Variants in GABRG1 observed in about 807,000 individuals in gnomAD.
GABRG1 encodes gamma-aminobutyric acid type A receptor subunit gamma1.
In GABRG1, 49 loss-of-function variants were observed where a neutral mutation model predicts 49.8. The ratio of observed to expected loss-of-function variants is 0.98; its 90% confidence interval spans 0.78 to 1.25. The LOEUF is 1.25. Ranked by LOEUF, GABRG1 falls within the 50% of genes most tolerant of loss-of-function variation. The pLI, the probability that GABRG1 is intolerant of heterozygous loss-of-function variation, is 0.00. For synonymous variants in GABRG1, 232 were observed against 185.1 expected (o/e 1.25, Z -2.06); for missense variants, 552 against 552.3 (o/e 1.00, Z 0.01).
intron 1 of GABRG1, among the ~76,000 whole-genome samples, chr4:46,116,608 A>T (rs16859095): frequency 0.094 from 14,183 of 150,764 alleles, 1,663 homozygotes; most frequent in African/African-American, 0.28. Context: ...AAGCCTTGGG[A>T]TCTGAAATGA....
At chr4:46,045,211 G>A (rs1353672240) in intron 8 of GABRG1, among the ~76,000 whole-genome samples, 3 of 152,122 alleles carry the variant, frequency 2.0e-5, no homozygotes, top group Admixed American at 1.3e-4. Context: ...ACTTGAGGAA[G>A]TAATACATCC....
chr4:46,100,751 C>A (rs1224967377), intron 1 of GABRG1, among the ~76,000 whole-genome samples: 10 of 141,106 alleles, frequency 7.1e-5, no homozygotes, highest in African/African-American at 1.3e-4. Context: ...TTTATGGTGG[C>A]AATATTTTGA....
chr4:46,042,371 A>C (rs1717819430), intron 8 of GABRG1, among the ~76,000 whole-genome samples: 1 of 152,004 alleles, frequency 6.6e-6, no homozygotes, highest in Admixed American at 6.6e-5. Flanking sequence ...GGCAAGTAAA[A>C]GATGAGTATT....
chr4:46,050,701 T>C (rs771023124), intron 8 of GABRG1, among the ~76,000 whole-genome samples: 1 of 151,826 alleles, frequency 6.6e-6, no homozygotes, highest in Non-Finnish European at 1.5e-5. Flanking sequence ...GGTCTGAGTC[T>C]TGGATCTTTC....
At chr4:46,122,829 A>T (rs578235330) in intron 1 of GABRG1, among the ~76,000 whole-genome samples, 1 of 152,086 alleles carries the variant, frequency 6.6e-6, no homozygotes, top group South Asian at 2.1e-4. Flanking sequence ...ATGTAATGAT[A>T]AAAGTACATT....
At chr4:46,077,295 TATA>T (rs1398300652) in intron 3 of GABRG1, among the ~76,000 whole-genome samples, 1 of 151,794 alleles carries the variant, frequency 6.6e-6, no homozygotes, top group African/African-American at 2.4e-5. Flanking sequence ...AAACTTAAAG[TATA>T]ATAATAGCAA....
chr4:46,118,089 T>C (rs528254272), intron 1 of GABRG1, among the ~76,000 whole-genome samples: 1 of 142,616 alleles, frequency 7.0e-6, no homozygotes, highest in African/African-American at 2.7e-5. Context: ...TATATACATA[T>C]GTATACATAT....
rs192507490 is a variant in GABRG1, at chr4:46,061,648, A to C, written c.625+2793T>G. Among the ~76,000 whole-genome samples the C allele has an allele frequency of 5.3e-3, 808 of 152,030 alleles. 10 individuals are homozygous for C. Among genetic ancestry groups the C allele is most frequent in the Middle Eastern group, 0.048 (14 of 294 alleles). On this transcript the variant is annotated intron_variant, in intron 5 of 8. Transcript: ENST00000295452. ...ATATAGCTCTGGAAAGGTTATAATT[A>C]TTTCCTATAAAGAATATACCAGGTT...
rs116157312 is a variant in GABRG1 at position 46,057,087 on chromosome 4, G to A, written c.916+1130C>T. ...TGGAAATAGAAACAAAAATACTATGGTTAAGTTATAGTAGCATACAAAGAA... is the reference window on the plus strand; with the variant it reads ...TGGAAATAGAAACAAAAATACTATGATTAAGTTATAGTAGCATACAAAGAA... On this transcript the variant is annotated intron_variant, in intron 7 of 8. Coordinates refer to ENST00000295452, the MANE Select transcript of GABRG1 (RefSeq NM_173536.4). Among the ~76,000 whole-genome samples the A allele has an allele frequency of 3.1e-3, 474 of 152,074 alleles. 6 individuals carry two copies. The highest frequency in any genetic ancestry group is 0.011 in the African/African-American group (458 of 41,520).
chr4:46,050,224 C>T (rs747880864), intron 8 of GABRG1, among the ~76,000 whole-genome samples: 11 of 151,900 alleles, frequency 7.2e-5, no homozygotes, highest in Non-Finnish European at 1.3e-4. Flanking sequence ...GACGGAGTCA[C>T]TGGCTAATTC....
At position 46,097,258 on chromosome 4, in the gene GABRG1, G is replaced by A; in HGVS notation, c.196C>T (p.Gln66Ter). ...APKIHEGDIT[Q>*]ILNSLLQGYD... ...CCTTGAAGCAATGAATTCAGAATTT[G>A]TGTGATATCTCCTTCATGAATTTTT... is the stretch of plus-strand genomic sequence containing the variant. The change falls in exon 2 of 9, where the codon CAA (glutamine) becomes TAA (stop). Residue 66 changes from glutamine (Q) to a stop codon, truncating the protein, a stop_gained. Coordinates refer to ENST00000295452, the MANE Select transcript of GABRG1 (RefSeq NM_173536.4). LOFTEE classifies it high-confidence loss of function. 1.2e-6 allele frequency: 2 copies of A among 1,611,004 alleles called. No homozygotes were observed. Among genetic ancestry groups the A allele is most frequent in the Non-Finnish European group, 8.5e-7 (1 of 1,178,084 alleles).
At chr4:46,050,803 C>T (rs774248776) in intron 8 of GABRG1, among the ~76,000 whole-genome samples, 3 of 151,718 alleles carry the variant, frequency 2.0e-5, no homozygotes, top group Non-Finnish European at 4.4e-5. Flanking sequence ...AAATGCTCTG[C>T]AGAGTGTCTG....
chr4:46,048,497 T>G (rs1718089899), intron 8 of GABRG1, among the ~76,000 whole-genome samples: 1 of 148,596 alleles, frequency 6.7e-6, no homozygotes, highest in Non-Finnish European at 1.5e-5. Flanking sequence ...ATGGCCATTG[T>G]CACAACTGGT....
At chr4:46,118,589 G>A (rs556975306) in intron 1 of GABRG1, among the ~76,000 whole-genome samples, 1 of 150,884 alleles carries the variant, frequency 6.6e-6, no homozygotes, top group South Asian at 2.1e-4. Context: ...ACACTATAGG[G>A]CAATGACTTT....
chr4:46,123,874 G>A lies in GABRG1; in HGVS notation c.40C>T (p.Leu14=), dbSNP rs761944186. 6.2e-7 allele frequency: 1 copy of A among 1,613,680 alleles called. No homozygotes were observed. Among genetic ancestry groups the A allele is most frequent in the Non-Finnish European group, 8.5e-7 (1 of 1,179,758 alleles). The change falls in exon 1 of 9, where the codon CTG becomes TTG. Residue 14 remains leucine, a synonymous_variant. Coordinates refer to ENST00000295452, the MANE Select transcript of GABRG1 (RefSeq NM_173536.4). Reference sequence around the variant, plus strand: ...CTCACCCCTCTACTTTGACTCCGCAGAAGAAAAGGGGAGAAGAGAAAAGCT... The same window carrying A: ...CTCACCCCTCTACTTTGACTCCGCAAAAGAAAAGGGGAGAAGAGAAAAGCT... ...LKAFLFSPFL[L]RSQSRGVRLV... is the part of the protein sequence containing the mutation.
At chr4:46,110,588 G>A (rs1217875009) in intron 1 of GABRG1, among the ~76,000 whole-genome samples, 2 of 150,972 alleles carry the variant, frequency 1.3e-5, no homozygotes, top group Admixed American at 6.6e-5. Context: ...GATGAACATA[G>A]ATGCAAAAAC....
intron 7 of GABRG1, among the ~76,000 whole-genome samples, chr4:46,053,645 C>T (rs1718322977): frequency 2.0e-5 from 3 of 151,980 alleles, no homozygotes; most frequent in African/African-American, 7.2e-5. Flanking sequence ...CTTGGCTCCA[C>T]AATTATGTCT....
At chr4:46,079,060 T>C (rs1719464704) in intron 3 of GABRG1, among the ~76,000 whole-genome samples, 1 of 130,094 alleles carries the variant, frequency 7.7e-6, no homozygotes, top group African/African-American at 3.0e-5. Context: ...ACATTTTTGT[T>C]TAAAAAGTTT....
At chr4:46,104,717 A>C (rs1464971197) in intron 1 of GABRG1, among the ~76,000 whole-genome samples, 1 of 151,464 alleles carries the variant, frequency 6.6e-6, no homozygotes, top group Non-Finnish European at 1.5e-5. Flanking sequence ...CAATTATTTT[A>C]TTAAACTTCA....
Sources: allele counts gnomAD v4.1 joint callset (sites outside exome capture counted in the v4.1 genomes callset), GRCh38; gene constraint gnomAD v4.1.1; transcripts MANE v1.5; gene names NCBI Gene and HGNC (gene_info 2026-07-23, HGNC 2026-07-21).